The following RAD51B variants were observed in gnomAD, a reference collection of about 807,000 sequenced individuals.
The protein encoded by RAD51B is DNA repair protein RAD51 homolog 2.
Under a neutral mutation model 42.2 loss-of-function variants are expected in RAD51B, and 38 were observed. The ratio of observed to expected loss-of-function variants is 0.90; its 90% CI spans 0.70 to 1.18. The LOEUF (loss-of-function observed/expected upper bound fraction) is 1.18. RAD51B is among the 50% of genes most tolerant of loss of function. RAD51B has a pLI of 0.00. For missense variants in RAD51B, 373 were observed against 400.7 expected (o/e 0.93, Z 0.59); for synonymous variants, 154 against 145.2 (o/e 1.06, Z -0.43).
intron 7 of RAD51B, among the ~76,000 whole-genome samples, chr14:67,972,286 TA>T (rs750913499): frequency 3.3e-5 from 5 of 152,088 alleles, no homozygotes; most frequent in Non-Finnish European, 7.4e-5. Flanking sequence ...ATATGATTTC[TA>T]AAAAGCCATT....
chr14:67,881,978 T>A (rs1459812732), intron 5 of RAD51B, among the ~76,000 whole-genome samples: 1 of 152,184 alleles, frequency 6.6e-6, no homozygotes, highest in Non-Finnish European at 1.5e-5. Context: ...CTTGACTTTT[T>A]ATTTTTTTAG....
At chr14:68,135,563 T>C (rs559586346) in intron 7 of RAD51B, among the ~76,000 whole-genome samples, 15 of 152,298 alleles carry the variant, frequency 9.8e-5, no homozygotes, top group African/African-American at 3.1e-4. Flanking sequence ...TGGTTCTCAT[T>C]TCTTATTATG....
chr14:67,957,857 T>C (rs1194345825), intron 7 of RAD51B, among the ~76,000 whole-genome samples: 1 of 152,216 alleles, frequency 6.6e-6, no homozygotes, highest in Non-Finnish European at 1.5e-5. Flanking sequence ...GAAATTTACA[T>C]TCTATTATTT....
intron 8 of RAD51B, among the ~76,000 whole-genome samples, chr14:68,347,989 C>T (rs2082708246): frequency 6.6e-6 from 1 of 151,974 alleles, no homozygotes; most frequent in Non-Finnish European, 1.5e-5. Context: ...ATCAACAGGG[C>T]AAGAGAGAAG....
chr14:68,091,210 T>C (rs993876342), intron 7 of RAD51B, among the ~76,000 whole-genome samples: 24 of 152,324 alleles, frequency 1.6e-4, no homozygotes, highest in Admixed American at 2.6e-4. Context: ...CCTTTGGGTA[T>C]ATACCCAGTA....
At chr14:67,934,829 G>A (rs182731318) in intron 7 of RAD51B, among the ~76,000 whole-genome samples, 8 of 152,256 alleles carry the variant, frequency 5.3e-5, no homozygotes, top group South Asian at 2.1e-4. Context: ...ATGTCCATAC[G>A]TTGAACGAAT....
intron 5 of RAD51B, among the ~76,000 whole-genome samples, chr14:67,873,688 CA>C (rs1161607836): frequency 5.4e-5 from 8 of 148,968 alleles, no homozygotes; most frequent in Non-Finnish European, 6.0e-5. Context: ...GGAACCAACC[CA>C]AATGTCCAAC....
chr14:68,544,014 T>G lies in RAD51B; in HGVS notation c.1037-50471T>G, dbSNP rs17105821. Among the ~76,000 whole-genome samples, 1,121 of 152,296 alleles carry G rather than the reference T, an allele frequency of 7.4e-3. 13 individuals carry two copies. Among genetic ancestry groups the G allele is most frequent in the African/African-American group, 0.026 (1,091 of 41,546 alleles). On this transcript the variant is annotated intron_variant, in intron 10 of 10. Coordinates refer to the RAD51B transcript ENST00000487270. ...CCTTCAGACAAATGTGTATCAGAAT[T>G]TCAATGGTATTTGGCAGAGTTGGCC...
At chr14:67,861,685 T>A (rs2042169277) in intron 4 of RAD51B, among the ~76,000 whole-genome samples, 1 of 152,106 alleles carries the variant, frequency 6.6e-6, no homozygotes, top group Admixed American at 6.5e-5. Flanking sequence ...GTAATCTGCA[T>A]TGCAGATTAA....
chr14:68,565,438 T>C lies in RAD51B; in HGVS notation c.1037-29047T>C, dbSNP rs1889374930. On this transcript the variant is annotated intron_variant, in intron 10 of 10. Transcript: ENST00000487270. The surrounding 1 kb of genome is among the most constrained non-coding windows in gnomAD (Gnocchi z 4.1). Reference sequence around the variant, plus strand: ...TCTCTCAGAGCCAAGCCTTTCTGTTTGGAGTTTTGCACAGCCCTTTAAGAG... The same window carrying C: ...TCTCTCAGAGCCAAGCCTTTCTGTTCGGAGTTTTGCACAGCCCTTTAAGAG... 6.6e-6 allele frequency among the ~76,000 whole-genome samples: 1 copy of C among 152,180 alleles called. No homozygotes were observed.
intron 7 of RAD51B, among the ~76,000 whole-genome samples, chr14:67,961,321 C>T (rs1309177657): frequency 6.6e-6 from 1 of 152,080 alleles, no homozygotes; most frequent in African/African-American, 2.4e-5. Flanking sequence ...TTCCTTTTTT[C>T]GATACAGTTT....
At chr14:68,049,102 G>T (rs530562058) in intron 7 of RAD51B, among the ~76,000 whole-genome samples, 1 of 151,872 alleles carries the variant, frequency 6.6e-6, no homozygotes, top group Non-Finnish European at 1.5e-5. Context: ...GCAGACTACC[G>T]CAAGGACAAA....
chr14:68,171,379 A>G (rs1391082298), intron 7 of RAD51B, among the ~76,000 whole-genome samples: 3 of 152,056 alleles, frequency 2.0e-5, no homozygotes, highest in Admixed American at 2.0e-4. Context: ...AGCTCACTGC[A>G]ACCTCTGCCT....
intron 4 of RAD51B, among the ~76,000 whole-genome samples, chr14:67,840,701 T>A (rs909598954): frequency 1.4e-4 from 21 of 152,184 alleles, no homozygotes; most frequent in African/African-American, 5.1e-4. Context: ...CTTTGGGAGA[T>A]CTCCAAACTC....
At chr14:67,965,328 G>A (rs949888807) in intron 7 of RAD51B, among the ~76,000 whole-genome samples, 4 of 152,062 alleles carry the variant, frequency 2.6e-5, no homozygotes, top group African/African-American at 9.7e-5. Context: ...TTTTGACTTT[G>A]TTTGTACTCT....
intron 7 of RAD51B, among the ~76,000 whole-genome samples, chr14:68,177,663 GT>G (rs1030092804): frequency 1.4e-3 from 211 of 146,562 alleles, no homozygotes; most frequent in African/African-American, 4.1e-3. Context: ...AAGCAATTAA[GT>G]TTTTTTTTTT....
intron 7 of RAD51B, among the ~76,000 whole-genome samples, chr14:68,071,681 T>C (rs935772708): frequency 6.6e-6 from 1 of 152,046 alleles, no homozygotes; most frequent in African/African-American, 2.4e-5. Flanking sequence ...TTGTTGAGGA[T>C]TTTTTACATC....
intron 7 of RAD51B, among the ~76,000 whole-genome samples, chr14:68,242,458 A>G (rs867513598): frequency 6.6e-6 from 1 of 152,260 alleles, no homozygotes; most frequent in Non-Finnish European, 1.5e-5. Flanking sequence ...ATATCAGTGC[A>G]TAATAAAAAT....
chr14:67,822,289 G>A (rs1377517913), intron 1 of RAD51B: 2 of 152,098 alleles, frequency 1.3e-5, no homozygotes, highest in African/African-American at 4.8e-5. Flanking sequence ...TTTTAGCTCT[G>A]TGAAGATAAA....
Sources: gnomAD v4.1 joint callset for allele counts (sites outside exome capture counted in the v4.1 genomes callset) on GRCh38, gnomAD v4.1.1 for gene constraint, Gnocchi (gnomAD v3.1) non-coding constraint, MANE v1.5 for transcripts, NCBI Gene and HGNC (gene_info 2026-07-23, HGNC 2026-07-21) for gene names.